The following SLC9A9 variants were observed in gnomAD, a reference collection of about 807,000 sequenced individuals.
The protein encoded by SLC9A9 is solute carrier family 9 member A9, also known as sodium/hydrogen exchanger 9.
A neutral mutation model predicts 77.8 loss-of-function variants in SLC9A9; 62 were observed. The observed-to-expected ratio is 0.80, with a 90% CI of 0.65 to 0.98. The LOEUF (loss-of-function observed/expected upper bound fraction) is 0.98. SLC9A9 is among the 50% of genes least tolerant of loss of function. The pLI, the probability that SLC9A9 is intolerant of heterozygous loss-of-function variation, is 0.00. For synonymous variants in SLC9A9, 320 were observed against 283.5 expected (o/e 1.13, Z -1.29); for missense variants, 775 against 774.9 (o/e 1.00, Z 0.00).
intron 8 of SLC9A9, among the ~76,000 whole-genome samples, chr3:143,556,036 T>A (rs1248914076): frequency 6.6e-6 from 1 of 152,240 alleles, no homozygotes; most frequent in Non-Finnish European, 1.5e-5. Context: ...CAAACACATT[T>A]TGAAAATGTC....
At chr3:143,421,995 A>G (rs1267427700) in intron 12 of SLC9A9, among the ~76,000 whole-genome samples, 2 of 152,254 alleles carry the variant, frequency 1.3e-5, no homozygotes, top group African/African-American at 4.8e-5. Context: ...AAAATGCTGA[A>G]CATCACTAAT....
chr3:143,495,220 T>C (rs941796141), intron 10 of SLC9A9, 115 bp downstream of exon 10: 8 of 857,212 alleles, frequency 9.3e-6, no homozygotes, highest in Non-Finnish European at 1.6e-5. Context: ...GCCTTGTGTC[T>C]GAGCCTTGCA....
intron 11 of SLC9A9, among the ~76,000 whole-genome samples, chr3:143,482,344 T>G (rs1188699467): frequency 6.6e-6 from 1 of 152,206 alleles, no homozygotes; most frequent in Admixed American, 6.5e-5. Flanking sequence ...TTCATGGTTA[T>G]GTGAGCTCAT....
At chr3:143,271,823 G>A (rs1439353357) in intron 14 of SLC9A9, among the ~76,000 whole-genome samples, 1 of 152,186 alleles carries the variant, frequency 6.6e-6, no homozygotes, top group East Asian at 1.9e-4. Flanking sequence ...TACTCTCTGT[G>A]GCTGTGAATG....
At chr3:143,455,666 T>C (rs1559924371) in intron 12 of SLC9A9, among the ~76,000 whole-genome samples, 1 of 152,170 alleles carries the variant, frequency 6.6e-6, no homozygotes, top group Non-Finnish European at 1.5e-5. Context: ...TACATTTTTT[T>C]GAACTATTAG....
At chr3:143,336,204 T>C (rs1167104291) in intron 14 of SLC9A9, among the ~76,000 whole-genome samples, 1 of 152,146 alleles carries the variant, frequency 6.6e-6, no homozygotes, top group East Asian at 1.9e-4. Context: ...TCACCTCATA[T>C]ACATTAGGAT....
At chr3:143,401,270 CCCCA>C (rs2033853546) in intron 12 of SLC9A9, among the ~76,000 whole-genome samples, 1 of 152,140 alleles carries the variant, frequency 6.6e-6, no homozygotes, top group African/African-American at 2.4e-5. Context: ...TCTCTATCTA[CCCCA>C]CCCAGCTACC....
chr3:143,757,844 A>T (rs906330520), intron 4 of SLC9A9, among the ~76,000 whole-genome samples: 10 of 152,112 alleles, frequency 6.6e-5, no homozygotes, highest in Admixed American at 6.6e-5. Flanking sequence ...GGTAGTATGA[A>T]GAGGTTGGCA....
chr3:143,495,524 T>G lies in SLC9A9; in HGVS notation c.1090-76A>C, dbSNP rs930179376. ...TGCACTTACTTTCTGGTAACTGTAT[T>G]TGACAACTGACTGGGTCTCCTTTAT... On this transcript the variant is annotated intron_variant, in intron 9 of 15. Transcript: ENST00000316549. 1.8e-5 allele frequency: 20 copies of G among 1,091,306 alleles called. No homozygotes were observed. The African/African-American group carries it at 2.8e-4, about 15-fold the overall frequency. 67.6% of individuals were successfully genotyped at this position (1,091,306 alleles called of 1,614,324 possible). A position where few individuals can be genotyped will look rare whatever the true frequency, so the allele number is the denominator to read the frequency against.
At chr3:143,575,232 A>T (rs181334327) in intron 7 of SLC9A9, among the ~76,000 whole-genome samples, 1 of 152,326 alleles carries the variant, frequency 6.6e-6, no homozygotes, top group East Asian at 1.9e-4. Flanking sequence ...TATGGTAAAC[A>T]TGTTTTGTAA....
chr3:143,434,702 A>G (rs946321235), intron 12 of SLC9A9, among the ~76,000 whole-genome samples: 7 of 152,114 alleles, frequency 4.6e-5, no homozygotes, highest in Admixed American at 1.3e-4. Flanking sequence ...ATTCAGTCTC[A>G]TAAATGCCTC....
chr3:143,753,819 C>G (rs536735120), intron 4 of SLC9A9, among the ~76,000 whole-genome samples: 7 of 151,888 alleles, frequency 4.6e-5, no homozygotes, highest in Non-Finnish European at 8.8e-5. Context: ...AGAATGTCTT[C>G]AAATTAATGT....
intron 5 of SLC9A9, 91 bp from the exon 6 acceptor site, chr3:143,652,451 A>T: frequency 2.2e-6 from 2 of 911,068 alleles, no homozygotes; most frequent in Non-Finnish European, 3.6e-6. Context: ...CATTAATGAA[A>T]TGCTCATCTT....
rs1467037591 is a variant in SLC9A9, at chr3:143,493,668, T to C, written c.1300A>G (p.Met434Val). 3 of 1,613,492 alleles carry C rather than the reference T, an allele frequency of 1.9e-6. No individual in the cohort carries two copies. Among genetic ancestry groups the C allele is most frequent in the East Asian group, 4.5e-5 (2 of 44,868 alleles). ...GTTCACATACCTGAAAACATCATCATGTGCTGAAAGTTCCAGGGGATCTTC... is the reference window on the plus strand; with the variant it reads ...GTTCACATACCTGAAAACATCATCACGTGCTGAAAGTTCCAGGGGATCTTC... Reference protein sequence around the residue: ...KQKIPWNFQHMMMFSGLRGAI... With the variant: ...KQKIPWNFQHVMMFSGLRGAI... The change falls in exon 11 of 16, where the codon ATG becomes GTG. Residue 434 changes from methionine (M) to valine (V), a missense_variant. By Grantham distance (21) the Met-to-Val change is conservative (BLOSUM62 1). Coordinates refer to ENST00000316549, the MANE Select transcript of SLC9A9 (RefSeq NM_173653.4).
chr3:143,376,652 G>A (rs1359004727), intron 13 of SLC9A9, among the ~76,000 whole-genome samples: 1 of 152,134 alleles, frequency 6.6e-6, no homozygotes, highest in African/African-American at 2.4e-5. Flanking sequence ...CTACCGGTAA[G>A]ATAAAAATAT....
At chr3:143,790,517 C>A (rs1040742786) in intron 4 of SLC9A9, among the ~76,000 whole-genome samples, 3 of 152,084 alleles carry the variant, frequency 2.0e-5, no homozygotes, top group Admixed American at 6.5e-5. Context: ...ATACATACTG[C>A]CCATTTCATG....
chr3:143,438,929 G>A (rs1196118595), intron 12 of SLC9A9, among the ~76,000 whole-genome samples: 1 of 152,204 alleles, frequency 6.6e-6, no homozygotes, highest in Non-Finnish European at 1.5e-5. Flanking sequence ...ATAATATGCT[G>A]CTTCCTGTGT....
intron 13 of SLC9A9, among the ~76,000 whole-genome samples, chr3:143,365,401 T>C (rs914154400): frequency 6.6e-6 from 1 of 152,166 alleles, no homozygotes; most frequent in African/African-American, 2.4e-5. Flanking sequence ...AACCTGCACA[T>C]GTATACTTGA....
intron 4 of SLC9A9, among the ~76,000 whole-genome samples, chr3:143,772,553 AATT>A (rs2007559008): frequency 6.6e-6 from 1 of 152,188 alleles, no homozygotes; most frequent in African/African-American, 2.4e-5. Flanking sequence ...TGTTTCTGAG[AATT>A]TTCTCTGCCT....
Sources: gnomAD v4.1 joint callset for allele counts (sites outside exome capture counted in the v4.1 genomes callset) on GRCh38, gnomAD v4.1.1 for gene constraint, MANE v1.5 for transcripts, NCBI Gene and HGNC (gene_info 2026-07-23, HGNC 2026-07-21) for gene names.